Variants in USP48 observed in about 807,000 individuals in gnomAD.
The protein encoded by USP48 is ubiquitin carboxyl-terminal hydrolase 48.
Under a neutral mutation model 150.7 loss-of-function variants are expected in USP48, and 43 were observed. The ratio of observed to expected loss-of-function variants is 0.29; its 90% CI spans 0.22 to 0.37. The LOEUF (loss-of-function observed/expected upper bound fraction) is 0.37. USP48 is among the 10% of genes least tolerant of loss of function. The probability of loss-of-function intolerance (pLI) is 1.00; values close to 1 mark genes in which losing one functional copy is unlikely to be tolerated. For synonymous variants in USP48, 396 were observed against 425.9 expected (o/e 0.93, Z 0.86); for missense variants, 813 against 1,249.6 (o/e 0.65, Z 5.27).
At chr1:21,780,170 T>G (rs1035607124) in intron 1 of USP48, among the ~76,000 whole-genome samples, 2 of 152,160 alleles carry the variant, frequency 1.3e-5, no homozygotes, top group Non-Finnish European at 2.9e-5. Context: ...GTCCCTCAAC[T>G]GATGAATAGA....
intron 1 of USP48, among the ~76,000 whole-genome samples, chr1:21,764,311 T>C (rs1294673260): frequency 2.0e-5 from 3 of 151,906 alleles, no homozygotes; most frequent in Admixed American, 2.0e-4. Context: ...TGGTGGCATA[T>C]GCCTATAGTC....
chr1:21,752,851 G>T, intron 4 of USP48, 141 bp downstream of exon 4: 2 of 1,245,428 alleles, frequency 1.6e-6, no homozygotes, highest in Non-Finnish European at 2.2e-6. Context: ...GTAAACTATT[G>T]GACAGTAAAT....
At chr1:21,753,160 C>G (rs200293887) in intron 3 of USP48, 41 bp from the exon 4 acceptor site, 10 of 1,567,860 alleles carry the variant, frequency 6.4e-6, no homozygotes, top group Non-Finnish European at 7.7e-6. Context: ...TTTTAAGGTG[C>G]TACTTTTCTT....
chr1:21,753,905 G>A (rs1271490836), intron 3 of USP48, among the ~76,000 whole-genome samples: 6 of 150,798 alleles, frequency 4.0e-5, no homozygotes, highest in Admixed American at 3.3e-4. Context: ...GTTCACGCCT[G>A]TAATCCCAGC....
chr1:21,710,060 T>C (rs1005439774), intron 15 of USP48, among the ~76,000 whole-genome samples: 1 of 152,162 alleles, frequency 6.6e-6, no homozygotes, highest in African/African-American at 2.4e-5. Context: ...GACCTCAAAA[T>C]AGTTAAATAA....
chr1:21,735,644 C>G (rs533809694), intron 9 of USP48, among the ~76,000 whole-genome samples: 2 of 152,198 alleles, frequency 1.3e-5, no homozygotes, highest in South Asian at 4.1e-4. Flanking sequence ...ATCCCAGCAC[C>G]TTGGGGGGCC....
Position 21,679,183 on chromosome 1 carries a change from C to T in USP48, c.*234G>A. The stretch of plus-strand genomic sequence containing the variant: ...GTCTTTACTTGCCCCCTCCCACCCA[C>T]CACCCCCCTTAAATATAAAATTGGA... On this transcript the variant is annotated 3_prime_UTR_variant, in exon 27 of 27. Coordinates refer to ENST00000308271, the MANE Select transcript of USP48 (RefSeq NM_032236.8). 1 of 408,448 alleles carries T rather than the reference C, an allele frequency of 2.4e-6. No individual in the cohort carries two copies. Among genetic ancestry groups the T allele is most frequent in the Non-Finnish European group, 4.5e-6 (1 of 221,538 alleles). The allele number at this position is 408,448 out of a possible 1,614,324, so 25.3% of individuals were successfully genotyped here.
intron 21 of USP48, among the ~76,000 whole-genome samples, 183 bp from the exon 22 acceptor site, chr1:21,701,785 G>A (rs1422723423): frequency 2.6e-5 from 4 of 152,168 alleles, no homozygotes; most frequent in Non-Finnish European, 5.9e-5. Context: ...CTTTTAACAT[G>A]TTAGTTTTTT....
At chr1:21,740,283 CAT>C (rs1238990000) in intron 8 of USP48, among the ~76,000 whole-genome samples, 1 of 152,252 alleles carries the variant, frequency 6.6e-6, no homozygotes, top group Non-Finnish European at 1.5e-5. Flanking sequence ...TGTGATCACA[CAT>C]GATAGAGTAT....
intron 12 of USP48, among the ~76,000 whole-genome samples, chr1:21,723,513 CAAAAA>C (rs35287796): frequency 1.0e-5 from 1 of 99,428 alleles, no homozygotes. Context: ...GACTCCATCT[CAAAAA>C]AAAAAAAAAA....
At chr1:21,729,568 A>C in intron 10 of USP48, 136 bp downstream of exon 10, 1 of 1,103,944 alleles carries the variant, frequency 9.1e-7, no homozygotes, top group African/African-American at 1.6e-5. Flanking sequence ...TTTGCAATTA[A>C]TATTTACTTT....
At chr1:21,768,150 T>C (rs1279221880) in intron 1 of USP48, 1 of 151,210 alleles carries the variant, frequency 6.6e-6, no homozygotes, top group Non-Finnish European at 1.5e-5. Flanking sequence ...GAGGTTGCAG[T>C]GAGCTGAGAT....
intron 14 of USP48, among the ~76,000 whole-genome samples, chr1:21,718,170 C>T (rs999082506): frequency 7.2e-5 from 11 of 152,098 alleles, no homozygotes; most frequent in African/African-American, 1.7e-4. Flanking sequence ...ACAAAAGGAC[C>T]CTCACTGCAT....
intron 1 of USP48, among the ~76,000 whole-genome samples, chr1:21,773,605 T>C (rs1332898623): frequency 6.6e-6 from 1 of 152,182 alleles, no homozygotes; most frequent in African/African-American, 2.4e-5. Context: ...GGAATAGAAA[T>C]GCTTTGTATA....
intron 22 of USP48, 44 bp downstream of exon 22, chr1:21,701,454 G>T: frequency 6.5e-7 from 1 of 1,547,446 alleles, no homozygotes; most frequent in Non-Finnish European, 8.9e-7. Context: ...TGCTCTATAA[G>T]AACAGCAGAA....
At chr1:21,706,363 G>T (rs2097672637) in intron 17 of USP48, 104 bp downstream of exon 17, 1 of 1,548,490 alleles carries the variant, frequency 6.5e-7, no homozygotes, top group Non-Finnish European at 8.8e-7. Flanking sequence ...CTAAACAAAT[G>T]AGAATATGAG....
chr1:21,770,060 T>A (rs1255348754), intron 1 of USP48, among the ~76,000 whole-genome samples: 2 of 151,858 alleles, frequency 1.3e-5, no homozygotes, highest in Non-Finnish European at 2.9e-5. Context: ...CATTGGCTCA[T>A]GCTTATAATC....
At chr1:21,718,884 A>G (rs1164040802) in intron 14 of USP48, among the ~76,000 whole-genome samples, 1 of 152,184 alleles carries the variant, frequency 6.6e-6, no homozygotes. Context: ...CATTAAAATT[A>G]TAGTACGGTT....
At chr1:21,749,706 A>G (rs940752057) in intron 6 of USP48, among the ~76,000 whole-genome samples, 4 of 152,106 alleles carry the variant, frequency 2.6e-5, no homozygotes, top group Non-Finnish European at 5.9e-5. Flanking sequence ...GAGCTCAGGC[A>G]ATTCTCCAGC....
Sources: allele counts gnomAD v4.1 joint callset (sites outside exome capture counted in the v4.1 genomes callset), GRCh38; gene constraint gnomAD v4.1.1; transcripts MANE v1.5; gene names NCBI Gene and HGNC (gene_info 2026-07-23, HGNC 2026-07-21).